ADAMTSL1: variants seen among roughly 807,000 people sequenced by gnomAD.
ADAMTSL1 encodes the protein ADAMTS like 1, also known as ADAMTS-like protein 1.
Under a neutral mutation model 201.8 loss-of-function variants are expected in ADAMTSL1, and 126 were observed. The observed-to-expected ratio is 0.62, with a 90% CI of 0.54 to 0.72. The LOEUF (loss-of-function observed/expected upper bound fraction) is 0.72. Among genes scored for constraint, ADAMTSL1 ranks in the 30% least tolerant of loss-of-function variants. The probability of loss-of-function intolerance (pLI) is 0.00; values close to 1 mark genes in which losing one functional copy is unlikely to be tolerated. For synonymous variants in ADAMTSL1, 1,121 were observed against 903.4 expected, an observed-to-expected ratio of 1.24 and a Z score of -4.32; for missense variants, 2,679 against 2,277.8, an observed-to-expected ratio of 1.18 and a Z score of -3.59.
At chr9:18,414,201 C>T (rs1213149087) in intron 2 of ADAMTSL1, among the ~76,000 whole-genome samples, 1 of 152,134 alleles carries the variant, frequency 6.6e-6, no homozygotes, top group African/African-American at 2.4e-5. Flanking sequence ...AAGAGGTTTA[C>T]CCTTCAAAGA....
rs151291524 is a variant in ADAMTSL1, at chr9:18,347,451, G to T, written c.208-157378G>T. On this transcript the variant is annotated intron_variant, in intron 2 of 29. Coordinates refer to the ADAMTSL1 transcript ENST00000680146. ...AAGAATTCTGCATTTTTAAATTGGAGTATCATGTCAAAATGAAAACCTTAT... is the reference window on the plus strand; with the variant it reads ...AAGAATTCTGCATTTTTAAATTGGATTATCATGTCAAAATGAAAACCTTAT... Among the ~76,000 whole-genome samples, 706 of 151,990 alleles carry T rather than the reference G, an allele frequency of 4.6e-3. 10 individuals are homozygous for T. The highest frequency in any genetic ancestry group is 0.016 in the African/African-American group (679 of 41,472).
chr9:18,388,770 T>A (rs1837916065), intron 2 of ADAMTSL1, among the ~76,000 whole-genome samples: 1 of 152,022 alleles, frequency 6.6e-6, no homozygotes, highest in African/African-American at 2.4e-5. Context: ...TTTTTCTTTT[T>A]TTTTGAGATG....
chr9:18,428,723 T>G (rs1489423216), intron 2 of ADAMTSL1, among the ~76,000 whole-genome samples: 3 of 152,264 alleles, frequency 2.0e-5, no homozygotes, highest in Admixed American at 1.3e-4. Context: ...TACATGATTT[T>G]TGACCATTTC....
At chr9:18,032,781 A>G (rs1468150287) in intron 1 of ADAMTSL1, among the ~76,000 whole-genome samples, 1 of 152,140 alleles carries the variant, frequency 6.6e-6, no homozygotes, top group East Asian at 1.9e-4. Flanking sequence ...TTGTGGCCAG[A>G]ATCACAGAAG....
intron 3 of ADAMTSL1, among the ~76,000 whole-genome samples, chr9:18,561,033 C>T (rs1002370535): frequency 2.7e-5 from 4 of 150,658 alleles, no homozygotes; most frequent in African/African-American, 7.3e-5. Flanking sequence ...TTAGTTATTT[C>T]TTATCTTCTG....
chr9:17,982,270 G>A (rs888297304), intron 1 of ADAMTSL1, among the ~76,000 whole-genome samples: 3 of 152,078 alleles, frequency 2.0e-5, no homozygotes, highest in Non-Finnish European at 4.4e-5. Flanking sequence ...ATCATTTACA[G>A]ATCCATATGA....
In ADAMTSL1 at chr9:17,947,236, G is replaced by A. The variant is rs574909286; in HGVS notation, c.87+40314G>A. On this transcript the variant is annotated intron_variant, in intron 1 of 29. Transcript: ENST00000680146. ...AACACAGTCTGTTAAACTGTGGTAT[G>A]TATGTGTTTGTATATATATACAGTT... 1.8e-4 allele frequency among the ~76,000 whole-genome samples: 27 copies of A among 150,674 alleles called. No individual in the cohort carries two copies. In the South Asian group the frequency reaches 4.4e-3, roughly 25 times the overall value.
At chr9:18,874,863 C>T (rs530636812) in intron 23 of ADAMTSL1, among the ~76,000 whole-genome samples, 6 of 151,986 alleles carry the variant, frequency 3.9e-5, no homozygotes, top group Non-Finnish European at 8.8e-5. Context: ...CTTTGAATGT[C>T]TGATACAATT....
chr9:18,699,111 A>G (rs544555127), intron 13 of ADAMTSL1, among the ~76,000 whole-genome samples: 41 of 152,242 alleles, frequency 2.7e-4, no homozygotes, highest in Admixed American at 9.2e-4. Flanking sequence ...TTGAAAGGAA[A>G]ATGTGCTCTT....
At chr9:17,949,070 A>G (rs1338391121) in intron 1 of ADAMTSL1, among the ~76,000 whole-genome samples, 2 of 152,226 alleles carry the variant, frequency 1.3e-5, no homozygotes, top group African/African-American at 4.8e-5. Flanking sequence ...TGAAAACCCT[A>G]AGTATAGAAT....
rs76186787 is a variant in ADAMTSL1, at chr9:18,617,401, C to A, written c.475-4842C>A. Among the ~76,000 whole-genome samples the A allele has an allele frequency of 7.8e-3, 1,191 of 152,062 alleles. 11 individuals are homozygous for A. The highest frequency in any genetic ancestry group is 0.012 in the Non-Finnish European group (806 of 67,990). ...CAGCTCTGTAAAGTGAAGGAAGAAA[C>A]CCCTACTGCAGGCCTGATGCCTAAA... On this transcript the variant is annotated intron_variant, in intron 4 of 28. Coordinates refer to ENST00000380548, the MANE Select transcript of ADAMTSL1 (RefSeq NM_001040272.6).
intron 1 of ADAMTSL1, among the ~76,000 whole-genome samples, chr9:18,006,021 T>G (rs1239096409): frequency 3.3e-5 from 5 of 151,850 alleles, no homozygotes; most frequent in Non-Finnish European, 7.4e-5. Flanking sequence ...TACACAATGG[T>G]AAAGTACACC....
intron 1 of ADAMTSL1, among the ~76,000 whole-genome samples, chr9:17,967,404 A>G (rs1818018347): frequency 6.6e-6 from 1 of 152,098 alleles, no homozygotes; most frequent in African/African-American, 2.4e-5. Context: ...TCATCTCTAA[A>G]TTGACTTTTT....
At chr9:18,795,064 G>C (rs1175032029) in intron 19 of ADAMTSL1, among the ~76,000 whole-genome samples, 1 of 152,136 alleles carries the variant, frequency 6.6e-6, no homozygotes, top group Admixed American at 6.5e-5. Flanking sequence ...TGTACCGTTT[G>C]TTCTAGCATC....
chr9:18,775,745 T>C lies in ADAMTSL1; in HGVS notation c.2400T>C (p.Cys800=). 6.2e-7 allele frequency: 1 copy of C among 1,612,772 alleles called. No homozygotes were observed. The highest frequency in any genetic ancestry group is 8.5e-7 in the Non-Finnish European group (1 of 1,179,434). The change falls in exon 18 of 29, where the codon TGT becomes TGC. Residue 800 remains cysteine (C), a splice_region_variant and synonymous_variant. Coordinates refer to ENST00000380548, the MANE Select transcript of ADAMTSL1 (RefSeq NM_001040272.6). ...SEWLLSDWTE[C]STSCGEGTQT... ...TTTGGCCTTTCTTTCTCCACCAGTG[T>C]TCCACAAGCTGCGGGGAAGGCACCC...
chr9:18,789,257 G>A (rs1372141742), intron 19 of ADAMTSL1, among the ~76,000 whole-genome samples: 1 of 152,072 alleles, frequency 6.6e-6, no homozygotes, highest in African/African-American at 2.4e-5. Flanking sequence ...TACATGCCAG[G>A]CACTTTTCTG....
rs879569563 is a variant in ADAMTSL1 at position 18,212,826 on chromosome 9, A to C, written c.207+48845A>C. 6.6e-5 allele frequency among the ~76,000 whole-genome samples: 10 copies of C among 152,104 alleles called. 1 individual carries two copies. Among genetic ancestry groups the C allele is most frequent in the Admixed American group, 5.9e-4 (9 of 15,264 alleles). ...TTAGGTCACACTGAGACTAGGTAAG[A>C]TGTGCTTCAACATTCCCCACAAATT... On this transcript the variant is annotated intron_variant, in intron 2 of 29. Coordinates refer to the ADAMTSL1 transcript ENST00000680146.
intron 20 of ADAMTSL1, among the ~76,000 whole-genome samples, chr9:18,803,458 T>G (rs1822924251): frequency 6.6e-6 from 1 of 152,180 alleles, no homozygotes. Context: ...AATCTCCCCA[T>G]TTTAGGTTCA....
intron 2 of ADAMTSL1, among the ~76,000 whole-genome samples, chr9:18,179,865 C>CGGA (rs1563789655): frequency 6.6e-6 from 1 of 151,708 alleles, no homozygotes; most frequent in Non-Finnish European, 1.5e-5. Flanking sequence ...TAAAAGAGCT[C>CGGA]CTGAAGGAAG....
Sources: gnomAD v4.1 joint callset for allele counts (sites outside exome capture counted in the v4.1 genomes callset) on GRCh38, gnomAD v4.1.1 for gene constraint, MANE v1.5 for transcripts, NCBI Gene and HGNC (gene_info 2026-07-23, HGNC 2026-07-21) for gene names.